The following SCML4 variants were observed in gnomAD, a reference collection of about 807,000 sequenced individuals.
SCML4 encodes the protein Scm polycomb group protein like 4, also known as sex comb on midleg-like protein 4.
In SCML4, 34 loss-of-function variants were observed where a neutral mutation model predicts 41.1. That is an observed-to-expected ratio of 0.83 (90% CI 0.63 to 1.10). The LOEUF (loss-of-function observed/expected upper bound fraction) is 1.10. Among genes scored for constraint, SCML4 ranks in the 50% least tolerant of loss-of-function variants. SCML4 has a pLI of 0.00. For missense variants in SCML4, 522 were observed against 534.1 expected, an observed-to-expected ratio of 0.98 and a Z score of 0.22; for synonymous variants, 214 against 220.9, an observed-to-expected ratio of 0.97 and a Z score of 0.28.
intron 1 of SCML4, among the ~76,000 whole-genome samples, chr6:107,808,723 C>A (rs914766378): frequency 6.6e-6 from 1 of 152,174 alleles, no homozygotes; most frequent in African/African-American, 2.4e-5. Context: ...TTTTTCATTT[C>A]TATTTTTGCA....
At chr6:107,758,638 A>T (rs945938657) in intron 2 of SCML4, among the ~76,000 whole-genome samples, 1 of 152,228 alleles carries the variant, frequency 6.6e-6, no homozygotes, top group Non-Finnish European at 1.5e-5. Flanking sequence ...AGGCACAGAC[A>T]CCTGTTTAGA....
intron 3 of SCML4, among the ~76,000 whole-genome samples, chr6:107,749,383 G>A (rs907417057): frequency 2.0e-5 from 3 of 152,052 alleles, no homozygotes; most frequent in Middle Eastern, 3.2e-3. Flanking sequence ...GCGCACCCCA[G>A]CTCCTAAAAG....
At chr6:107,797,678 T>C (rs1782811027) in intron 1 of SCML4, among the ~76,000 whole-genome samples, 1 of 152,032 alleles carries the variant, frequency 6.6e-6, no homozygotes, top group Non-Finnish European at 1.5e-5. Flanking sequence ...TGCATATAAG[T>C]GGTGAGAAAG....
Position 107,710,718 on chromosome 6 carries a change from T to C in SCML4, c.974-2707A>G, listed in dbSNP as rs573815814. Among the ~76,000 whole-genome samples the C allele has an allele frequency of 3.2e-4, 20 of 62,898 alleles. 1 individual carries two copies. The highest frequency in any genetic ancestry group is 1.1e-3 in the African/African-American group (18 of 16,236). The allele number at this position is 62,898 out of a possible 152,430, so 41.3% of individuals were successfully genotyped here. On this transcript the variant is annotated intron_variant, in intron 6 of 7. Transcript: ENST00000369020. ...TTGAACCTGGGAGGTGGAGGTTGCATTGAGCCGAGATCATGCCTCCCACTC... is the reference window on the plus strand; with the variant it reads ...TTGAACCTGGGAGGTGGAGGTTGCACTGAGCCGAGATCATGCCTCCCACTC...
At chr6:107,824,727 G>C (rs9486730), upstream of SCML4, among the ~76,000 whole-genome samples, 1 of 151,960 alleles carries the variant, frequency 6.6e-6, no homozygotes, top group Non-Finnish European at 1.5e-5. Context: ...CTGTAACATC[G>C]TCTCTTTGTC....
intron 2 of SCML4, among the ~76,000 whole-genome samples, chr6:107,751,649 T>TCTTTCTTTCTTTCC (rs60515260): frequency 7.1e-6 from 1 of 141,022 alleles, no homozygotes; most frequent in African/African-American, 2.7e-5. Context: ...TTTCTTTCTT[T>TCTTTCTTTCTTTCC]TTTGAGAGGG....
At chr6:107,804,258 T>G (rs562511531) in intron 1 of SCML4, among the ~76,000 whole-genome samples, 238 of 151,846 alleles carry the variant, frequency 1.6e-3, no homozygotes, top group Non-Finnish European at 1.7e-3. Context: ...CGTGTGTGTG[T>G]GTGCACAACT....
upstream of SCML4, among the ~76,000 whole-genome samples, chr6:107,829,029 A>G (rs1055680649): frequency 7.9e-5 from 12 of 152,232 alleles, no homozygotes; most frequent in Non-Finnish European, 1.6e-4. Flanking sequence ...GTTTGCGAAA[A>G]TATTGCAATT....
At chr6:107,836,801 T>G in the SCML4 span, among the ~76,000 whole-genome samples, 1 of 152,336 alleles carries the variant, frequency 6.6e-6, no homozygotes, top group Non-Finnish European at 1.5e-5. Flanking sequence ...AGGGCTCACT[T>G]AGAATCTGCC....
rs1032998992 is a variant in SCML4 at position 107,746,718 on chromosome 6, T to C, written c.458A>G (p.Lys153Arg). 1.9e-6 allele frequency: 3 copies of C among 1,614,128 alleles called. No homozygotes were observed. The highest frequency in any genetic ancestry group is 2.7e-5 in the African/African-American group (2 of 75,040). ...HQQKLVFSLVKQGYGGEMVSV... is the reference protein window; with the variant it reads ...HQQKLVFSLVRQGYGGEMVSV... ...CACCATCTCACCACCATAGCCCTGC[T>C]TGACCAGGGAGAAGACCAGCTTCTG... The change falls in exon 4 of 8, where the codon AAG (lysine) becomes AGG (arginine). Residue 153 changes from lysine to arginine, a missense_variant. Transcript: ENST00000369020.
the SCML4 span, among the ~76,000 whole-genome samples, chr6:107,840,998 C>T: frequency 2.6e-5 from 4 of 151,654 alleles, no homozygotes; most frequent in African/African-American, 9.7e-5. Context: ...TTTTTGCTCT[C>T]CTCTATGATT....
chr6:107,714,807 CA>C (rs1220413978), intron 6 of SCML4, among the ~76,000 whole-genome samples: 19 of 152,042 alleles, frequency 1.2e-4, no homozygotes, highest in African/African-American at 4.1e-4. Flanking sequence ...ATGATGATGT[CA>C]TTCCATAAAT....
At chr6:107,778,866 A>T (rs1171965919) in intron 1 of SCML4, among the ~76,000 whole-genome samples, 1 of 152,124 alleles carries the variant, frequency 6.6e-6, no homozygotes, top group Non-Finnish European at 1.5e-5. Context: ...ATGCTTAGGT[A>T]CTCTGATGTC....
upstream of SCML4, among the ~76,000 whole-genome samples, chr6:107,826,108 G>A (rs377606069): frequency 2.0e-5 from 3 of 151,972 alleles, no homozygotes; most frequent in East Asian, 1.9e-4. Context: ...GCCAGGCTTG[G>A]TGGCGCTTGC....
At chr6:107,799,446 AT>A (rs1473075399) in intron 1 of SCML4, among the ~76,000 whole-genome samples, 1 of 152,128 alleles carries the variant, frequency 6.6e-6, no homozygotes, top group African/African-American at 2.4e-5. Flanking sequence ...ACTACCTGCA[AT>A]TTTATATAAA....
chr6:107,775,007 A>G (rs1053576325), intron 1 of SCML4, among the ~76,000 whole-genome samples: 23 of 152,028 alleles, frequency 1.5e-4, no homozygotes, highest in Non-Finnish European at 3.2e-4. Context: ...AAAAAAAAAA[A>G]AGAAAGAAAG....
Position 107,717,143 on chromosome 6 carries a change from C to CAAAAAAAAAAAAAAAA in SCML4, c.973+3544_973+3559dup, listed in dbSNP as rs546258538. Among the ~76,000 whole-genome samples, 3 of 63,536 alleles carry CAAAAAAAAAAAAAAAA rather than the reference C, an allele frequency of 4.7e-5. 1 individual carries two copies. The highest frequency in any genetic ancestry group is 1.6e-4 in the African/African-American group (2 of 12,684). 41.7% of individuals were successfully genotyped at this position (63,536 alleles called of 152,430 possible). A position where few individuals can be genotyped will look rare whatever the true frequency, so the allele number is the denominator to read the frequency against. On this transcript the variant is annotated intron_variant, in intron 6 of 7. Transcript: ENST00000369020. ...TGAAACCCCGTCTCTACTAAAAATA[C>CAAAAAAAAAAAAAAAA]AAAAAAAAAAAAAAAAAAAAAAAAA...
intron 2 of SCML4, among the ~76,000 whole-genome samples, chr6:107,765,378 A>G (rs535453906): frequency 2.0e-5 from 3 of 152,316 alleles, no homozygotes; most frequent in East Asian, 3.9e-4. Flanking sequence ...GGATTGTTAC[A>G]TCTTCAGGAG....
intron 5 of SCML4, among the ~76,000 whole-genome samples, chr6:107,729,465 T>G (rs1243781962): frequency 6.6e-6 from 1 of 152,234 alleles, no homozygotes; most frequent in Non-Finnish European, 1.5e-5. Flanking sequence ...ATGACTTCCC[T>G]TTCACTTGAT....
Sources: gnomAD v4.1 joint callset for allele counts (sites outside exome capture counted in the v4.1 genomes callset) on GRCh38, gnomAD v4.1.1 for gene constraint, MANE v1.5 for transcripts, NCBI Gene and HGNC (gene_info 2026-07-23, HGNC 2026-07-21) for gene names.